Variants in SLIT3 observed in about 807,000 individuals in gnomAD.
The protein encoded by SLIT3 is slit homolog 3 protein.
In SLIT3, 68 loss-of-function variants were observed where a neutral mutation model predicts 184.0. The ratio of observed to expected loss-of-function variants is 0.37; its 90% CI spans 0.30 to 0.45. SLIT3 has a LOEUF of 0.45. SLIT3 is among the 20% of genes least tolerant of loss of function. The pLI is 1.00. For missense variants in SLIT3, 1,707 were observed against 2,026.0 expected (o/e 0.84, Z 3.02); for synonymous variants, 831 against 828.6 (o/e 1.00, Z -0.05).
At chr5:168,755,403 T>TTCTTTCTTTCTTTCTTTC in intron 16 of SLIT3, among the ~76,000 whole-genome samples, 1 of 19,444 alleles carries the variant, frequency 5.1e-5, no homozygotes, top group Non-Finnish European at 9.0e-5. Flanking sequence ...CTTTCTTTCT[T>TTCTTTCTTTCTTTCTTTC]TCTTTCTTTC....
At chr5:168,818,832 G>C (rs1051287902) in intron 7 of SLIT3, among the ~76,000 whole-genome samples, 1 of 152,222 alleles carries the variant, frequency 6.6e-6, no homozygotes, top group African/African-American at 2.4e-5. Context: ...CACTGTGTGG[G>C]CAAAAGCCTC....
chr5:168,740,666 G>T (rs150442359), intron 20 of SLIT3, among the ~76,000 whole-genome samples: 1 of 152,250 alleles, frequency 6.6e-6, no homozygotes, highest in East Asian at 1.9e-4. Context: ...CCAGGAAGAC[G>T]GTTTGGGGAA....
chr5:168,911,899 T>C (rs1386909808), intron 4 of SLIT3, among the ~76,000 whole-genome samples: 1 of 152,258 alleles, frequency 6.6e-6, no homozygotes, highest in Non-Finnish European at 1.5e-5. Context: ...TTGCCTGTGC[T>C]GAACTCCCGT....
chr5:168,846,173 C>T (rs1758457242), intron 5 of SLIT3, among the ~76,000 whole-genome samples: 1 of 152,132 alleles, frequency 6.6e-6, no homozygotes, highest in South Asian at 2.1e-4. Flanking sequence ...ATATTATGGA[C>T]AATTATTAAT....
intron 4 of SLIT3, among the ~76,000 whole-genome samples, chr5:169,051,585 T>C (rs925504544): frequency 7.2e-5 from 11 of 152,180 alleles, no homozygotes; most frequent in Admixed American, 4.6e-4. Context: ...TCCCACTGTT[T>C]GCTAACATTT....
chr5:168,980,118 C>G lies in SLIT3; in HGVS notation c.414-96782G>C, dbSNP rs1285754259. Among the ~76,000 whole-genome samples the G allele has an allele frequency of 3.9e-5, 6 of 152,222 alleles. No homozygotes were observed. In the Middle Eastern group the frequency reaches 0.01, roughly 259 times the overall value. The stretch of plus-strand genomic sequence containing the variant: ...GACACAGCCCTCAAAAGACTCCAAT[C>G]CCAAACCCTTTTTATCTAGTAACCA... On this transcript the variant is annotated intron_variant, in intron 4 of 35. Transcript: ENST00000519560.
At chr5:169,124,386 G>C (rs1191401353) in intron 4 of SLIT3, among the ~76,000 whole-genome samples, 1 of 152,204 alleles carries the variant, frequency 6.6e-6, no homozygotes, top group African/African-American at 2.4e-5. Context: ...GTATCACTGT[G>C]TGGACTAGAA....
intron 4 of SLIT3, among the ~76,000 whole-genome samples, chr5:169,067,731 C>T (rs1691633045): frequency 6.6e-6 from 1 of 152,128 alleles, no homozygotes; most frequent in African/African-American, 2.4e-5. Flanking sequence ...CAAGCAGCAC[C>T]ACACAGAGCA....
At chr5:169,262,114 A>T (rs948145722) in intron 1 of SLIT3, among the ~76,000 whole-genome samples, 1 of 152,218 alleles carries the variant, frequency 6.6e-6, no homozygotes, top group African/African-American at 2.4e-5. Context: ...GTGCAGCCTT[A>T]TGAAACCCTG....
chr5:169,251,860 T>C (rs2113595493), intron 1 of SLIT3, among the ~76,000 whole-genome samples: 1 of 152,260 alleles, frequency 6.6e-6, no homozygotes, highest in Non-Finnish European at 1.5e-5. Flanking sequence ...GTTTCAGAAA[T>C]GCCTAAATGA....
intron 33 of SLIT3, 51 bp downstream of exon 33, chr5:168,673,126 G>C: frequency 6.3e-7 from 1 of 1,577,498 alleles, no homozygotes; most frequent in Non-Finnish European, 8.7e-7. Flanking sequence ...TTCTGTACTG[G>C]AGCACAGAGG....
intron 6 of SLIT3, among the ~76,000 whole-genome samples, chr5:168,842,738 T>C (rs776130516): frequency 6.6e-6 from 1 of 152,154 alleles, no homozygotes; most frequent in Non-Finnish European, 1.5e-5. Flanking sequence ...GCCTTCCTGG[T>C]GAGGTAAGAC....
chr5:169,152,518 G>A (rs297828), intron 4 of SLIT3, among the ~76,000 whole-genome samples: 3,489 of 152,254 alleles, frequency 0.023, 121 homozygotes, highest in East Asian at 0.088. Context: ...TCTGGGCACC[G>A]CCTCGTGGGG....
chr5:169,035,999 G>C (rs867415502), intron 4 of SLIT3: 1 of 152,114 alleles, frequency 6.6e-6, no homozygotes, highest in Non-Finnish European at 1.5e-5. Context: ...TGAAAATGAA[G>C]ACTTATAAAG....
At chr5:169,124,915 A>G (rs756665501) in intron 4 of SLIT3, among the ~76,000 whole-genome samples, 2 of 152,304 alleles carry the variant, frequency 1.3e-5, no homozygotes, top group East Asian at 3.9e-4. Context: ...TGTAACAGAA[A>G]TGTAGCATTC....
At chr5:168,929,850 A>C (rs1358717028) in intron 4 of SLIT3, among the ~76,000 whole-genome samples, 1 of 152,224 alleles carries the variant, frequency 6.6e-6, no homozygotes, top group African/African-American at 2.4e-5. Flanking sequence ...GCCGGCCTCC[A>C]CAGCAGAGGA....
chr5:168,676,204 C>A (rs1299281666), intron 32 of SLIT3, among the ~76,000 whole-genome samples: 1 of 151,726 alleles, frequency 6.6e-6, no homozygotes, highest in Non-Finnish European at 1.5e-5. Context: ...CTTCATCTAC[C>A]CTTCATCCGC....
chr5:169,058,827 G>C (rs556244104), intron 4 of SLIT3, among the ~76,000 whole-genome samples: 2 of 152,318 alleles, frequency 1.3e-5, no homozygotes, highest in Admixed American at 1.3e-4. Context: ...TCAGAAGAAA[G>C]AATAAGATGC....
At chr5:169,114,465 G>A (rs938601510) in intron 4 of SLIT3, among the ~76,000 whole-genome samples, 7 of 152,144 alleles carry the variant, frequency 4.6e-5, no homozygotes, top group Non-Finnish European at 7.3e-5. Context: ...ACTGTCTCTC[G>A]CAGACTTAGG....
Sources: gnomAD v4.1 joint callset for allele counts (sites outside exome capture counted in the v4.1 genomes callset) on GRCh38, gnomAD v4.1.1 for gene constraint, MANE v1.5 for transcripts, NCBI Gene and HGNC (gene_info 2026-07-23, HGNC 2026-07-21) for gene names.